Variants in CDKL1 observed in about 807,000 individuals in gnomAD.
CDKL1 encodes cyclin dependent kinase like 1, also known as cyclin-dependent kinase-like 1.
CDKL1 carries 41 observed loss-of-function variants against 42.0 expected under a neutral mutation model. That is an observed-to-expected ratio of 0.98 (90% CI 0.76 to 1.27). CDKL1 has a LOEUF of 1.27. Among genes scored for constraint, CDKL1 ranks in the 50% most tolerant of loss-of-function variants. CDKL1 has a pLI of 0.00. For missense variants in CDKL1, 394 were observed against 428.4 expected (o/e 0.92, Z 0.71); for synonymous variants, 153 against 158.6 (o/e 0.96, Z 0.26).
intron 4 of CDKL1, 34 bp from the exon 5 acceptor site, chr14:50,342,256 A>G: frequency 6.4e-7 from 1 of 1,570,266 alleles, no homozygotes; most frequent in South Asian, 1.1e-5. Context: ...AACAATATTA[A>G]GGCTGAACTA....
At position 50,396,185 on chromosome 14, in the gene CDKL1, CAAAAAAAAA is replaced by C. The variant is rs55765101; in HGVS notation, c.-326_-318del. The C allele has an allele frequency of 1.7e-3, 1,487 of 859,690 alleles. 1 individual carries two copies. The highest frequency in any genetic ancestry group is 5.0e-3 in the East Asian group (27 of 5,446). The allele number at this position is 859,690 out of a possible 1,614,324, so 53.3% of individuals were successfully genotyped here. ...CGGGCGACAGAGCGAGATTCCGTCT[CAAAAAAAAA>C]AAAAAAAAAAAAAAAAAAAGAAAGA... is the stretch of plus-strand genomic sequence containing the variant. On this transcript the variant is annotated 5_prime_UTR_variant, in exon 2 of 10. Coordinates refer to ENST00000395834, the MANE Select transcript of CDKL1 (RefSeq NM_004196.7).
chr14:50,354,887 A>G (rs765850617), intron 3 of CDKL1, among the ~76,000 whole-genome samples: 6 of 152,294 alleles, frequency 3.9e-5, no homozygotes, highest in Non-Finnish European at 8.8e-5. Context: ...ATAATTAAAC[A>G]TTAAAACATT....
intron 2 of CDKL1, among the ~76,000 whole-genome samples, chr14:50,368,698 G>A (rs556484877): frequency 5.3e-5 from 8 of 152,174 alleles, no homozygotes; most frequent in African/African-American, 1.7e-4. Flanking sequence ...CTGCAGAGCT[G>A]AGAATGCTAC....
At chr14:50,376,705 T>C (rs1566603257) in intron 2 of CDKL1, among the ~76,000 whole-genome samples, 1 of 152,242 alleles carries the variant, frequency 6.6e-6, no homozygotes, top group Admixed American at 6.5e-5. Context: ...TCCATTTTCA[T>C]ATATTCACTT....
Position 50,326,488 on chromosome 14 carries a change from G to A in CDKL1, c.*3586C>T. The A allele has an allele frequency of 1.0e-6, 1 of 985,422 alleles. No individual in the cohort carries two copies. The highest frequency in any genetic ancestry group is 4.7e-5 in the South Asian group (1 of 21,294). 61.0% of individuals were successfully genotyped at this position (985,422 alleles called of 1,614,324 possible). A position where few individuals can be genotyped will look rare whatever the true frequency, so the allele number is the denominator to read the frequency against. ...TGGAGTCAATTATGCAAAGTGGTCA[G>A]TGGTTGTTGAAGCATGCATTGCTTC... On this transcript the variant is annotated 3_prime_UTR_variant, in exon 10 of 10. Transcript: ENST00000395834.
At chr14:50,331,733 T>C (rs1054163796) in intron 9 of CDKL1, 2 of 381,008 alleles carry the variant, frequency 5.2e-6, no homozygotes, top group South Asian at 5.2e-5. Context: ...ATCAGGATTC[T>C]TCACAGTCTC....
At chr14:50,378,422 A>G (rs757811513) in intron 2 of CDKL1, 3 of 1,366,456 alleles carry the variant, frequency 2.2e-6, no homozygotes, top group East Asian at 9.1e-5. Context: ...TGATAGTAGT[A>G]AAATGTAAGG....
chr14:50,342,556 G>A (rs1010689332), intron 4 of CDKL1: 6 of 386,344 alleles, frequency 1.6e-5, no homozygotes, highest in African/African-American at 1.1e-4. Context: ...ATCCCATGAA[G>A]CACTTGGGAT....
At chr14:50,341,470 G>GGGGGC in intron 5 of CDKL1, among the ~76,000 whole-genome samples, 1 of 133,824 alleles carries the variant, frequency 7.5e-6, no homozygotes, top group African/African-American at 2.9e-5. Context: ...GGGGGGGGGG[G>GGGGGC]GGTTATTTGG....
intron 2 of CDKL1, chr14:50,378,559 G>A: frequency 1.4e-6 from 1 of 716,458 alleles, no homozygotes; most frequent in South Asian, 1.8e-5. Flanking sequence ...ATAGAGACAG[G>A]GTCATAATCT....
intron 4 of CDKL1, among the ~76,000 whole-genome samples, chr14:50,343,450 A>G (rs1371953574): frequency 6.6e-6 from 1 of 152,146 alleles, no homozygotes; most frequent in East Asian, 1.9e-4. Flanking sequence ...TAAATAAAAC[A>G]ACTTTGGGAT....
chr14:50,337,581 G>C (rs2033347075), intron 7 of CDKL1, among the ~76,000 whole-genome samples: 1 of 151,848 alleles, frequency 6.6e-6, no homozygotes, highest in African/African-American at 2.4e-5. Context: ...TAGACCTCCT[G>C]TGCTCAAGCA....
chr14:50,336,669 T>TA (rs1416832730), intron 7 of CDKL1, among the ~76,000 whole-genome samples: 3 of 152,190 alleles, frequency 2.0e-5, no homozygotes, highest in Non-Finnish European at 4.4e-5. Context: ...ATTTTTAAGA[T>TA]ACCTTCCTCA....
intron 2 of CDKL1, among the ~76,000 whole-genome samples, chr14:50,368,823 T>A (rs1158724646): frequency 2.0e-5 from 3 of 152,002 alleles, no homozygotes; most frequent in Admixed American, 1.3e-4. Flanking sequence ...GCTTGGCCTG[T>A]TTAGCCCATG....
chr14:50,397,139 C>A (rs761714530), upstream of CDKL1: 1 of 1,365,862 alleles, frequency 7.3e-7, no homozygotes, highest in South Asian at 1.1e-5. Flanking sequence ...CAGCTGTAAC[C>A]GCGTCTGCGG....
chr14:50,342,866 C>T, intron 4 of CDKL1: 2 of 1,254,148 alleles, frequency 1.6e-6, no homozygotes, highest in Non-Finnish European at 2.1e-6. Flanking sequence ...CTCTGACATT[C>T]ATCCGGACAA....
rs201211299 is a variant in CDKL1, at chr14:50,338,948, A to G, written c.737T>C (p.Met246Thr). Residue 246 changes from methionine to threonine, a missense_variant and splice_region_variant, in exon 7 of 10, where the codon ATG (methionine) becomes ACG (threonine). By Grantham distance (81) the Met-to-Thr change is moderately conservative (BLOSUM62 -1). Transcript: ENST00000395834. ...SGVKIPDPED[M>T]EPLELKFPNI... ...CTCTCTCCAAAATGGGTAACTCACC[A>G]TATCTTCAGGGTCTGGAATTTTCAC... 1.9e-4 allele frequency: 302 copies of G among 1,602,178 alleles called. 7 individuals are homozygous for G. The South Asian group carries it at 2.4e-3, about 13-fold the overall frequency.
chr14:50,396,633 T>A (rs1053792259), intron 1 of CDKL1, 191 bp downstream of exon 1: 4 of 214,966 alleles, frequency 1.9e-5, no homozygotes, highest in Non-Finnish European at 3.2e-5. Context: ...AGAAGACACC[T>A]CCCGGCTCCC....
rs535149650 is a variant in CDKL1, at chr14:50,389,897, T to C, written c.168+5804A>G. 5.3e-4 allele frequency among the ~76,000 whole-genome samples: 80 copies of C among 152,270 alleles called. 1 individual carries two copies. The South Asian group carries it at 0.014, about 27-fold the overall frequency. ...TATGGGGAAACCACATGGCATGAAC[T>C]TGGGGACAGACAGAACTGTGTCTGC... On this transcript the variant is annotated intron_variant, in intron 2 of 9. Transcript: ENST00000395834.
Sources: gnomAD v4.1 joint callset for allele counts (sites outside exome capture counted in the v4.1 genomes callset) on GRCh38, gnomAD v4.1.1 for gene constraint, MANE v1.5 for transcripts, NCBI Gene and HGNC (gene_info 2026-07-23, HGNC 2026-07-21) for gene names.